TMEM232: variants seen among roughly 807,000 people sequenced by gnomAD.
TMEM232 encodes transmembrane protein 232.
A neutral mutation model predicts 78.8 loss-of-function variants in TMEM232; 80 were observed. The observed-to-expected ratio is 1.01, with a 90% CI of 0.85 to 1.22. The LOEUF is 1.22. Ranked by LOEUF, TMEM232 falls within the 50% of genes most tolerant of loss-of-function variation. The pLI is 0.00. For missense variants in TMEM232, 881 were observed against 742.2 expected, an observed-to-expected ratio of 1.19 and a Z score of -2.17; for synonymous variants, 297 against 254.3, an observed-to-expected ratio of 1.17 and a Z score of -1.60.
chr5:110,443,788 A>G (rs1233303107), intron 12 of TMEM232, among the ~76,000 whole-genome samples: 2 of 152,164 alleles, frequency 1.3e-5, no homozygotes. Context: ...ATGGCTCTTT[A>G]GTAAGCAGGT....
chr5:110,492,773 A>G (rs969464905), intron 12 of TMEM232, among the ~76,000 whole-genome samples: 8 of 152,064 alleles, frequency 5.3e-5, no homozygotes, highest in African/African-American at 1.2e-4. Context: ...TAGAGATTCT[A>G]GAAAATTGAT....
At chr5:110,576,640 C>A (rs748316524) in intron 10 of TMEM232, among the ~76,000 whole-genome samples, 9 of 152,042 alleles carry the variant, frequency 5.9e-5, no homozygotes, top group African/African-American at 2.2e-4. Flanking sequence ...AACTATACTG[C>A]GGGGCTACAT....
At chr5:110,423,776 CGTGCGTGTGTGT>C (rs1756930551) in intron 13 of TMEM232, among the ~76,000 whole-genome samples, 1 of 127,518 alleles carries the variant, frequency 7.8e-6, no homozygotes, top group Non-Finnish European at 1.5e-5. Flanking sequence ...GTTATTTATG[CGTGCGTGTGTGT>C]GTGTGTGTGT....
chr5:110,734,232 G>T (rs956110378), intron 2 of TMEM232, among the ~76,000 whole-genome samples: 61 of 152,228 alleles, frequency 4.0e-4, no homozygotes, highest in African/African-American at 1.4e-3. Flanking sequence ...GTTCACCTGG[G>T]ATTGTCCCCA....
chr5:110,642,195 T>C (rs961560515), intron 3 of TMEM232, 65 bp downstream of exon 3: 42 of 892,702 alleles, frequency 4.7e-5, no homozygotes, highest in African/African-American at 5.4e-5. Flanking sequence ...TATTTTAGAA[T>C]GTGTAATCAT....
At chr5:110,550,950 A>T (rs1187577668) in intron 11 of TMEM232, among the ~76,000 whole-genome samples, 2 of 145,226 alleles carry the variant, frequency 1.4e-5, no homozygotes, top group Non-Finnish European at 3.0e-5. Context: ...AAATCCAGCC[A>T]TTTTTTTTTT....
At chr5:110,631,146 G>C (rs868341202) in intron 5 of TMEM232, among the ~76,000 whole-genome samples, 1 of 152,112 alleles carries the variant, frequency 6.6e-6, no homozygotes, top group Non-Finnish European at 1.5e-5. Context: ...AGCATTGCTG[G>C]ACACAAAGGT....
chr5:110,564,936 G>T lies in TMEM232; in HGVS notation c.1455+3511C>A, dbSNP rs561277309. ...CATCAATGTTGTAAACTTTTTTCAA[G>T]CCTGCTATCTCATAGTTTCATGAAG... On this transcript the variant is annotated intron_variant, in intron 11 of 13. Coordinates refer to ENST00000455884, the MANE Select transcript of TMEM232 (RefSeq NM_001039763.4). Among the ~76,000 whole-genome samples the T allele has an allele frequency of 3.0e-3, 455 of 152,002 alleles. 3 individuals carry two copies. The highest frequency in any genetic ancestry group is 0.01 in the African/African-American group (434 of 41,500).
intron 10 of TMEM232, among the ~76,000 whole-genome samples, chr5:110,601,342 G>A (rs1036761996): frequency 1.3e-5 from 2 of 152,108 alleles, no homozygotes; most frequent in African/African-American, 4.8e-5. Context: ...CATTCAAATA[G>A]GAATAGAGGA....
chr5:110,390,917 A>C (rs556514273), intron 3 of TMEM232, among the ~76,000 whole-genome samples: 158 of 152,336 alleles, frequency 1.0e-3, no homozygotes, highest in African/African-American at 3.7e-3. Flanking sequence ...ACAAGTTTCA[A>C]AGAACTGGCA....
chr5:110,507,488 C>G (rs2149458711), intron 12 of TMEM232, among the ~76,000 whole-genome samples: 1 of 152,332 alleles, frequency 6.6e-6, no homozygotes, highest in Middle Eastern at 3.4e-3. Flanking sequence ...GTTAATCCAA[C>G]TCATACTTGG....
intron 1 of TMEM232, among the ~76,000 whole-genome samples, chr5:110,672,612 A>T (rs1386894121): frequency 6.6e-6 from 1 of 152,162 alleles, no homozygotes; most frequent in Non-Finnish European, 1.5e-5. Flanking sequence ...TAGCATAGAG[A>T]TGTTGGAATT....
At chr5:110,537,959 T>C (rs947742389) in intron 11 of TMEM232, among the ~76,000 whole-genome samples, 1 of 152,200 alleles carries the variant, frequency 6.6e-6, no homozygotes, top group African/African-American at 2.4e-5. Flanking sequence ...AAGCAGATGA[T>C]TTATTCATCT....
chr5:110,568,526 T>C lies in TMEM232; in HGVS notation c.1376A>G (p.Asn459Ser), dbSNP rs766148837. Reference protein sequence around the residue: ...QGDEEQDGLRNMIWQTLQKTK... With the variant: ...QGDEEQDGLRSMIWQTLQKTK... Reference sequence around the variant, plus strand: ...TTTCTGCAATGTTTGCCATATCATGTTTCTAAGTCCATCCTGTTCTTCGTC... The same window carrying C: ...TTTCTGCAATGTTTGCCATATCATGCTTCTAAGTCCATCCTGTTCTTCGTC... The change falls in exon 11 of 14, where the codon AAC (asparagine) becomes AGC (serine). Residue 459 changes from asparagine (N) to serine (S), a missense_variant. Coordinates refer to ENST00000455884, the MANE Select transcript of TMEM232 (RefSeq NM_001039763.4). The C allele has an allele frequency of 1.0e-4, 158 of 1,549,486 alleles. No homozygotes were observed. Among genetic ancestry groups the C allele is most frequent in the Non-Finnish European group, 1.4e-4 (156 of 1,145,768 alleles).
intron 2 of TMEM232, among the ~76,000 whole-genome samples, chr5:110,400,998 T>G (rs112654811): frequency 2.0e-4 from 31 of 152,116 alleles, no homozygotes; most frequent in African/African-American, 7.5e-4. Context: ...CTAAAAGCAA[T>G]GTATATCAAA....
intron 1 of TMEM232, among the ~76,000 whole-genome samples, chr5:110,688,717 C>T (rs529484248): frequency 2.6e-5 from 4 of 152,200 alleles, no homozygotes; most frequent in African/African-American, 4.8e-5. Context: ...ATTTTGGGAC[C>T]CCAAACTCAT....
At chr5:110,417,983 A>G (rs1437018702), downstream of TMEM232, 7 of 152,130 alleles carry the variant, frequency 4.6e-5, no homozygotes, top group African/African-American at 1.4e-4. Context: ...CCTCAAAAGT[A>G]CCAGCAATAA....
At chr5:110,429,047 T>C (rs1468279549) in intron 12 of TMEM232, among the ~76,000 whole-genome samples, 1 of 151,832 alleles carries the variant, frequency 6.6e-6, no homozygotes, top group African/African-American at 2.4e-5. Flanking sequence ...AAACATTTAT[T>C]GCAAGGGGAA....
intron 12 of TMEM232, among the ~76,000 whole-genome samples, chr5:110,478,621 A>AAGAT (rs373428212): frequency 7.5e-4 from 114 of 152,028 alleles, no homozygotes; most frequent in African/African-American, 2.7e-3. Flanking sequence ...CGTGAAGTGG[A>AAGAT]AGATAGAATA....
Sources: allele counts gnomAD v4.1 joint callset (sites outside exome capture counted in the v4.1 genomes callset), GRCh38; gene constraint gnomAD v4.1.1; transcripts MANE v1.5; gene names NCBI Gene and HGNC (gene_info 2026-07-23, HGNC 2026-07-21).